Variants in ANK3 observed in about 807,000 individuals in gnomAD.
The protein encoded by ANK3 is ankyrin-3.
ANK3 carries 57 observed loss-of-function variants against 370.9 expected under a neutral mutation model. The ratio of observed to expected loss-of-function variants is 0.15; its 90% confidence interval spans 0.12 to 0.19. ANK3 has a LOEUF of 0.19. ANK3 is among the 10% of genes least tolerant of loss of function. ANK3 has a pLI of 1.00. For synonymous variants in ANK3, 1,929 were observed against 1,946.3 expected, an observed-to-expected ratio of 0.99 and a Z score of 0.23; for missense variants, 4,439 against 5,302.1, an observed-to-expected ratio of 0.84 and a Z score of 5.06.
chr10:60,574,382 C>T (rs1043812584), intron 2 of ANK3, among the ~76,000 whole-genome samples: 1 of 152,162 alleles, frequency 6.6e-6, no homozygotes, highest in Admixed American at 6.5e-5. Flanking sequence ...TATAATAATA[C>T]ACATCTCAGT....
rs901972071 is a variant in ANK3, at chr10:60,173,102, T to G, written c.2269A>C (p.Asn757His). ...NFLLQHSAKVNAKTKNGYTPL... is the reference protein window; with the variant it reads ...NFLLQHSAKVHAKTKNGYTPL... ...AAGGAGCTTACCTTTGTTTTGGCAT[T>G]AACTTTTGCAGAATGCTGGAGCAGG... Residue 757 changes from asparagine (N) to histidine (H), a missense_variant, in exon 19 of 44, where the codon AAT (asparagine) becomes CAT (histidine). Around this residue, in one of 13 missense-constraint regions of ANK3, gnomAD observed 702 missense variants for 941.5 expected, o/e 0.75. Coordinates refer to ENST00000280772, the MANE Select transcript of ANK3 (RefSeq NM_020987.5). 2.5e-6 allele frequency: 4 copies of G among 1,614,030 alleles called. No individual in the cohort carries two copies. The highest frequency in any genetic ancestry group is 3.4e-6 in the Non-Finnish European group (4 of 1,179,954).
In ANK3 at chr10:60,070,864, C is replaced by A. The variant is rs1339303233; in HGVS notation, c.10017G>T (p.Val3339=). 1.6e-5 allele frequency: 26 copies of A among 1,613,960 alleles called. No individual in the cohort carries two copies. The Admixed American group carries it at 4.3e-4, about 27-fold the overall frequency. ...TGGGTTTTTCTTTTTGTTCATCGTC[C>A]ACTTCCTTTAATTTGAAGGTATATT... ...VKKYTFKLKE[V]DDEQKEKPKA... Residue 3339 remains valine, a synonymous_variant, in exon 37 of 44, where the codon GTG becomes GTT. Coordinates refer to ENST00000280772, the MANE Select transcript of ANK3 (RefSeq NM_020987.5). The surrounding 1 kb of genome is among the most constrained non-coding windows in gnomAD (Gnocchi z 5.7).
At chr10:60,138,785 C>T in intron 24 of ANK3, 179 bp downstream of exon 24, 1 of 774,368 alleles carries the variant, frequency 1.3e-6, no homozygotes, top group Non-Finnish European at 2.0e-6. Context: ...AAATTAACAA[C>T]CGCAAACCAC....
intron 1 of ANK3, among the ~76,000 whole-genome samples, chr10:60,314,602 A>T (rs1170022783): frequency 6.6e-6 from 1 of 152,210 alleles, no homozygotes; most frequent in Non-Finnish European, 1.5e-5. Context: ...TCCCATGAAT[A>T]TACAACTGTA....
At chr10:60,520,474 C>T (rs2076323530) in intron 2 of ANK3, among the ~76,000 whole-genome samples, 1 of 151,978 alleles carries the variant, frequency 6.6e-6, no homozygotes, top group South Asian at 2.1e-4. Flanking sequence ...CGTTCCATTC[C>T]AATCCATTCA....
chr10:60,092,262 C>T (rs1260237757), intron 28 of ANK3, among the ~76,000 whole-genome samples: 8 of 152,180 alleles, frequency 5.3e-5, no homozygotes, highest in Non-Finnish European at 1.2e-4. Flanking sequence ...ATTACTCCTA[C>T]AGGACTCTTT....
intron 1 of ANK3, among the ~76,000 whole-genome samples, chr10:60,313,036 G>A (rs1050519582): frequency 8.5e-5 from 13 of 152,148 alleles, no homozygotes; most frequent in Non-Finnish European, 1.6e-4. Context: ...GGCCAGTCCC[G>A]GTAGCTATGA....
At chr10:60,549,241 G>A (rs955032254) in intron 2 of ANK3, among the ~76,000 whole-genome samples, 1 of 151,870 alleles carries the variant, frequency 6.6e-6, no homozygotes, top group African/African-American at 2.4e-5. Context: ...TAGACACCAT[G>A]AGTTTAAAAT....
intron 2 of ANK3, among the ~76,000 whole-genome samples, chr10:60,432,524 C>T (rs1318328914): frequency 3.3e-5 from 5 of 152,168 alleles, no homozygotes; most frequent in Non-Finnish European, 5.9e-5. Context: ...CTTATTGGCA[C>T]TTTTAATGCA....
At chr10:60,442,451 T>C (rs2064323944) in intron 2 of ANK3, among the ~76,000 whole-genome samples, 1 of 152,202 alleles carries the variant, frequency 6.6e-6, no homozygotes, top group Admixed American at 6.5e-5. Flanking sequence ...TAATACAATG[T>C]AAATGCTATG....
chr10:60,637,111 ATCTT>A (rs1028638707), intron 1 of ANK3, among the ~76,000 whole-genome samples: 35 of 152,162 alleles, frequency 2.3e-4, no homozygotes, highest in African/African-American at 7.5e-4. Flanking sequence ...TAATCCATTC[ATCTT>A]TCTAATATTT....
chr10:60,476,957 T>C (rs1209686626), intron 2 of ANK3, among the ~76,000 whole-genome samples: 4 of 152,138 alleles, frequency 2.6e-5, no homozygotes, highest in African/African-American at 9.7e-5. Context: ...TATGAGCATC[T>C]TCCAGCTTCG....
chr10:60,630,587 T>C (rs1327762807), intron 1 of ANK3, among the ~76,000 whole-genome samples: 2 of 152,168 alleles, frequency 1.3e-5, no homozygotes, highest in African/African-American at 4.8e-5. Context: ...TTGGGTCAGG[T>C]TGCAGGTCAG....
chr10:60,558,708 C>T (rs754952254), intron 2 of ANK3, among the ~76,000 whole-genome samples: 15 of 152,288 alleles, frequency 9.8e-5, no homozygotes, highest in Non-Finnish European at 1.3e-4. Context: ...ATATTAAGAA[C>T]TATCTCTGCC....
At chr10:60,259,745 C>T (rs1346795955) in intron 7 of ANK3, among the ~76,000 whole-genome samples, 1 of 152,146 alleles carries the variant, frequency 6.6e-6, no homozygotes, top group East Asian at 1.9e-4. Context: ...AAACACCACC[C>T]TGACATAAAT....
rs183799905 is a variant in ANK3, at chr10:60,473,150, C to T, written c.96+142036G>A. The stretch of plus-strand genomic sequence containing the variant: ...TGAATATAAAACATGATTCCAATTT[C>T]GTAATATCCACAGACATGTCTATAG... On this transcript the variant is annotated intron_variant, in intron 2 of 43. Transcript: ENST00000373827. 2.6e-3 allele frequency among the ~76,000 whole-genome samples: 398 copies of T among 152,184 alleles called. 5 individuals carry two copies. The highest frequency in any genetic ancestry group is 0.016 in the Admixed American group (243 of 15,292).
At chr10:60,669,454 C>T (rs1209174170) in intron 1 of ANK3, among the ~76,000 whole-genome samples, 1 of 152,108 alleles carries the variant, frequency 6.6e-6, no homozygotes, top group Non-Finnish European at 1.5e-5. Context: ...GGTTGGGTAC[C>T]GCTGGGTCCC....
intron 2 of ANK3, among the ~76,000 whole-genome samples, chr10:60,510,854 G>T (rs1245004848): frequency 6.6e-6 from 1 of 151,912 alleles, no homozygotes; most frequent in Non-Finnish European, 1.5e-5. Flanking sequence ...AATAAAATAA[G>T]AAATGTAGCA....
chr10:60,566,179 C>G (rs893240583), intron 2 of ANK3, among the ~76,000 whole-genome samples: 1 of 152,038 alleles, frequency 6.6e-6, no homozygotes, highest in Admixed American at 6.6e-5. Flanking sequence ...AAGATGGAAA[C>G]CTTAATTAGT....
Sources: gnomAD v4.1 joint callset for allele counts (sites outside exome capture counted in the v4.1 genomes callset) on GRCh38, gnomAD v4.1.1 for gene constraint, gnomAD v4.1.1 regional missense constraint, Gnocchi (gnomAD v3.1) non-coding constraint, MANE v1.5 for transcripts, NCBI Gene and HGNC (gene_info 2026-07-23, HGNC 2026-07-21) for gene names.